Variants in CRPPA observed in about 807,000 individuals in gnomAD.
CRPPA encodes CDP-L-ribitol pyrophosphorylase A.
In CRPPA, 43 loss-of-function variants were observed where a neutral mutation model predicts 52.0. The observed-to-expected ratio is 0.83, with a 90% CI of 0.65 to 1.07. The LOEUF (loss-of-function observed/expected upper bound fraction) is 1.07. Among genes scored for constraint, CRPPA ranks in the 50% least tolerant of loss-of-function variants. The pLI is 0.00. For synonymous variants in CRPPA, 250 were observed against 203.5 expected (o/e 1.23, Z -1.94); for missense variants, 629 against 551.7 (o/e 1.14, Z -1.40).
chr7:16,365,805 A>G (rs1047720995), intron 3 of CRPPA, among the ~76,000 whole-genome samples: 1 of 152,170 alleles, frequency 6.6e-6, no homozygotes, highest in Non-Finnish European at 1.5e-5. Flanking sequence ...TAAAGACAAC[A>G]CTGACAAACA....
intron 3 of CRPPA, among the ~76,000 whole-genome samples, chr7:16,310,348 T>A (rs1056022542): frequency 2.6e-5 from 4 of 152,064 alleles, no homozygotes; most frequent in African/African-American, 9.7e-5. Flanking sequence ...AGTTATGCTA[T>A]AGAGAAACAC....
At chr7:16,210,918 G>A (rs1045025962) in intron 9 of CRPPA, among the ~76,000 whole-genome samples, 1 of 151,230 alleles carries the variant, frequency 6.6e-6, no homozygotes, top group Non-Finnish European at 1.5e-5. Flanking sequence ...CAATACATCA[G>A]TAGGGTGACA....
At chr7:16,384,146 C>G (rs529224947) in intron 2 of CRPPA, among the ~76,000 whole-genome samples, 2 of 152,014 alleles carry the variant, frequency 1.3e-5, no homozygotes, top group African/African-American at 2.4e-5. Context: ...TGGCTGCAGC[C>G]GTGTTAGGGC....
intron 9 of CRPPA, among the ~76,000 whole-genome samples, chr7:16,183,270 A>C (rs1426794576): frequency 6.6e-6 from 1 of 152,212 alleles, no homozygotes; most frequent in African/African-American, 2.4e-5. Flanking sequence ...CTAACATGGG[A>C]AAGTGCAGGT....
At chr7:16,316,188 C>G (rs1785140193) in intron 3 of CRPPA, among the ~76,000 whole-genome samples, 1 of 151,970 alleles carries the variant, frequency 6.6e-6, no homozygotes, top group African/African-American at 2.4e-5. Flanking sequence ...AGAAAAACCT[C>G]AAGATGATAG....
intron 5 of CRPPA, among the ~76,000 whole-genome samples, chr7:16,283,552 A>ATG (rs572305880): frequency 3.5e-4 from 52 of 149,596 alleles, no homozygotes; most frequent in East Asian, 1.9e-3. Context: ...TATACTATAT[A>ATG]TGTGTGTGTG....
chr7:16,316,859 T>A (rs551818910), intron 3 of CRPPA, among the ~76,000 whole-genome samples: 1 of 152,176 alleles, frequency 6.6e-6, no homozygotes, highest in East Asian at 1.9e-4. Flanking sequence ...ACACCATCTC[T>A]AATAGAAAAA....
intron 1 of CRPPA, among the ~76,000 whole-genome samples, chr7:16,414,401 A>ACACC (rs1234541800): frequency 6.7e-5 from 9 of 134,726 alleles, no homozygotes; most frequent in East Asian, 4.3e-4. Flanking sequence ...ACACACACAC[A>ACACC]CCCCATGACA....
chr7:16,170,189 G>C, intron 9 of CRPPA, among the ~76,000 whole-genome samples: 1 of 151,960 alleles, frequency 6.6e-6, no homozygotes, highest in Non-Finnish European at 1.5e-5. Flanking sequence ...AGTGTTATTT[G>C]CCCATATTCT....
chr7:16,324,684 C>T (rs181241849), intron 3 of CRPPA, among the ~76,000 whole-genome samples: 3 of 152,316 alleles, frequency 2.0e-5, no homozygotes, highest in Non-Finnish European at 2.9e-5. Flanking sequence ...CTTTAAATCA[C>T]TAACATCATT....
chr7:16,384,287 G>A (rs1787197436), intron 2 of CRPPA, among the ~76,000 whole-genome samples: 1 of 152,190 alleles, frequency 6.6e-6, no homozygotes, highest in African/African-American at 2.4e-5. Flanking sequence ...TCAAACCTAA[G>A]TGTACTCTCA....
intron 8 of CRPPA, among the ~76,000 whole-genome samples, chr7:16,246,415 G>A (rs1783275624): frequency 6.6e-6 from 1 of 152,258 alleles, no homozygotes; most frequent in African/African-American, 2.4e-5. Flanking sequence ...CTTCCATGAG[G>A]TTTGGATTAT....
intron 9 of CRPPA, among the ~76,000 whole-genome samples, chr7:16,147,333 C>A (rs1441362028): frequency 6.6e-6 from 1 of 152,124 alleles, no homozygotes; most frequent in African/African-American, 2.4e-5. Flanking sequence ...TGATGCAGGC[C>A]ACATGCTTTA....
At chr7:16,241,427 T>C (rs1297885695) in intron 8 of CRPPA, among the ~76,000 whole-genome samples, 1 of 152,090 alleles carries the variant, frequency 6.6e-6, no homozygotes, top group African/African-American at 2.4e-5. Context: ...TCATTGTATA[T>C]ACAAGCAGAG....
At position 16,376,156 on chromosome 7, in the gene CRPPA, C is replaced by T. The variant is rs759332987; in HGVS notation, c.620G>A (p.Arg207Lys). The T allele has an allele frequency of 2.5e-6, 4 of 1,613,264 alleles. No homozygotes were observed. The highest frequency in any genetic ancestry group is 1.7e-5 in the Admixed American group (1 of 59,878). ...GCLDYSLERA[R>K]HRASEMPQAF... is the part of the protein sequence containing the mutation. ...TTGGGGCATTTCACTTGCTCTGTGT[C>T]TGGCACGTTCTAGCGAGTAGTCTAA... The change falls in exon 3 of 10, where the codon AGA becomes AAA. Residue 207 changes from arginine to lysine, a missense_variant. By Grantham distance (26) the Arg-to-Lys change is conservative (BLOSUM62 2). Coordinates refer to ENST00000407010, the MANE Select transcript of CRPPA (RefSeq NM_001101426.4).
chr7:16,373,360 G>A (rs73306450), intron 3 of CRPPA, among the ~76,000 whole-genome samples: 10,969 of 152,084 alleles, frequency 0.072, 472 homozygotes, highest in Admixed American at 0.12. Flanking sequence ...GGCAGAGGAA[G>A]AGCAAGCATG....
At chr7:16,214,667 G>T (rs761138144) in intron 9 of CRPPA, among the ~76,000 whole-genome samples, 4 of 152,026 alleles carry the variant, frequency 2.6e-5, no homozygotes, top group South Asian at 2.1e-4. Context: ...ACCATGCCTG[G>T]CTAATTTTTT....
intron 6 of CRPPA, among the ~76,000 whole-genome samples, chr7:16,259,976 T>A (rs537407781): frequency 6.6e-6 from 1 of 152,138 alleles, no homozygotes; most frequent in East Asian, 1.9e-4. Context: ...ATTTTAAAAA[T>A]TTTAGTTCAG....
In CRPPA at chr7:16,175,114, A is replaced by G. The variant is rs376713614; in HGVS notation, c.1251+40952T>C. ...GGGAACCAATGAAAATGGTTCTTAG[A>G]GGCAAAGTCTTAATATTAAAGTTAA... On this transcript the variant is annotated intron_variant, in intron 9 of 9. Coordinates refer to ENST00000407010, the MANE Select transcript of CRPPA (RefSeq NM_001101426.4). Among the ~76,000 whole-genome samples, 6 of 152,278 alleles carry G rather than the reference A, an allele frequency of 3.9e-5. No individual in the cohort carries two copies. In the South Asian group the frequency reaches 6.2e-4, roughly 16 times the overall value.
Sources: allele counts gnomAD v4.1 joint callset (sites outside exome capture counted in the v4.1 genomes callset), GRCh38; gene constraint gnomAD v4.1.1; transcripts MANE v1.5; gene names NCBI Gene and HGNC (gene_info 2026-07-23, HGNC 2026-07-21).